The following NPAS3 variants were observed in gnomAD, a reference collection of about 807,000 sequenced individuals.
The protein encoded by NPAS3 is neuronal PAS domain protein 3.
Under a neutral mutation model 73.1 loss-of-function variants are expected in NPAS3, and 14 were observed. The ratio of observed to expected loss-of-function variants is 0.19; its 90% CI spans 0.13 to 0.30. NPAS3 has a LOEUF of 0.30. Among genes scored for constraint, NPAS3 ranks in the 10% least tolerant of loss-of-function variants. The pLI is 1.00. For synonymous variants in NPAS3, 620 were observed against 541.5 expected, an observed-to-expected ratio of 1.14 and a Z score of -2.01; for missense variants, 1,096 against 1,250.0, an observed-to-expected ratio of 0.88 and a Z score of 1.86.
At chr14:33,428,311 T>C (rs1054444078) in intron 4 of NPAS3, among the ~76,000 whole-genome samples, 57 of 152,118 alleles carry the variant, frequency 3.7e-4, no homozygotes, top group African/African-American at 1.3e-3. Flanking sequence ...ATCTATTTCA[T>C]AGTATTATTA....
chr14:33,283,532 C>T (rs144622758), intron 3 of NPAS3, among the ~76,000 whole-genome samples: 2 of 152,168 alleles, frequency 1.3e-5, no homozygotes, highest in Non-Finnish European at 2.9e-5. Context: ...ACAAGTCTCA[C>T]GGAGGCATAG....
chr14:33,684,741 A>C (rs887831114), intron 6 of NPAS3, among the ~76,000 whole-genome samples: 2 of 152,176 alleles, frequency 1.3e-5, no homozygotes, highest in African/African-American at 2.4e-5. Context: ...CACAGCCAAC[A>C]TCACCCGTGT....
intron 4 of NPAS3, among the ~76,000 whole-genome samples, chr14:33,469,084 C>T (rs77529333): frequency 0.025 from 3,731 of 152,194 alleles, 78 homozygotes; most frequent in Middle Eastern, 0.061. Flanking sequence ...TGATGTTATC[C>T]TTTAGTAATT....
intron 1 of NPAS3, among the ~76,000 whole-genome samples, chr14:32,967,586 A>C (rs2037228922): frequency 6.6e-6 from 1 of 152,226 alleles, no homozygotes; most frequent in Non-Finnish European, 1.5e-5. Flanking sequence ...ACATGAATAA[A>C]TGTTCGATGT....
At chr14:32,986,519 A>AG (rs1486302601) in intron 1 of NPAS3, among the ~76,000 whole-genome samples, 5 of 152,028 alleles carry the variant, frequency 3.3e-5, no homozygotes, top group Non-Finnish European at 7.4e-5. Flanking sequence ...GTCAGTGGGG[A>AG]GGGTGAGGTT....
At chr14:33,196,519 A>G (rs573749676) in intron 2 of NPAS3, among the ~76,000 whole-genome samples, 47 of 152,182 alleles carry the variant, frequency 3.1e-4, no homozygotes, top group Non-Finnish European at 6.6e-4. Flanking sequence ...AGGATCTGTT[A>G]GATTGATGCC....
intron 1 of NPAS3, among the ~76,000 whole-genome samples, chr14:32,997,299 T>A (rs2038617811): frequency 6.6e-6 from 1 of 152,188 alleles, no homozygotes; most frequent in Admixed American, 6.5e-5. Flanking sequence ...TTGTCTCAGA[T>A]GAGACTTTGG....
intron 1 of NPAS3, among the ~76,000 whole-genome samples, chr14:32,957,629 C>G (rs149627460): frequency 0.018 from 2,730 of 152,300 alleles, 38 homozygotes; most frequent in Admixed American, 0.031. Flanking sequence ...GCCTCGGCCT[C>G]CCAAAGTGCT....
chr14:33,409,398 AAT>A (rs1211011209), intron 4 of NPAS3, among the ~76,000 whole-genome samples: 1 of 152,152 alleles, frequency 6.6e-6, no homozygotes, highest in East Asian at 1.9e-4. Flanking sequence ...TGTTAAAATA[AAT>A]ATATGTGTTT....
At chr14:33,276,615 T>TC in intron 3 of NPAS3, among the ~76,000 whole-genome samples, 2 of 152,242 alleles carry the variant, frequency 1.3e-5, no homozygotes, top group East Asian at 3.9e-4. Context: ...TCTTTTTTTT[T>TC]CCCTGAGCTT....
chr14:33,119,803 A>G (rs1478780061), intron 2 of NPAS3, among the ~76,000 whole-genome samples: 1 of 152,152 alleles, frequency 6.6e-6, no homozygotes, highest in East Asian at 1.9e-4. Flanking sequence ...ACTGTTTCAG[A>G]GAACTATAGA....
intron 3 of NPAS3, among the ~76,000 whole-genome samples, chr14:33,345,893 A>G (rs768198344): frequency 6.6e-6 from 1 of 152,160 alleles, no homozygotes; most frequent in Non-Finnish European, 1.5e-5. Context: ...GAAATTGATC[A>G]TTATCATCAT....
At chr14:32,953,206 T>G (rs542509241) in intron 1 of NPAS3, among the ~76,000 whole-genome samples, 2 of 151,472 alleles carry the variant, frequency 1.3e-5, no homozygotes, top group Non-Finnish European at 2.9e-5. Flanking sequence ...GATTTATAGA[T>G]GGCTATAGTA....
intron 4 of NPAS3, among the ~76,000 whole-genome samples, chr14:33,461,085 A>G (rs1029121172): frequency 1.3e-5 from 2 of 152,242 alleles, no homozygotes; most frequent in African/African-American, 4.8e-5. Context: ...CTAATAATTA[A>G]GTACGTTCAA....
At chr14:33,002,236 C>A (rs147982352) in intron 1 of NPAS3, among the ~76,000 whole-genome samples, 1 of 152,186 alleles carries the variant, frequency 6.6e-6, no homozygotes, top group Non-Finnish European at 1.5e-5. Flanking sequence ...GGGACTATGT[C>A]ATATATCTCA....
intron 6 of NPAS3, among the ~76,000 whole-genome samples, chr14:33,722,908 A>G (rs1421761879): frequency 6.6e-6 from 1 of 152,188 alleles, no homozygotes; most frequent in Non-Finnish European, 1.5e-5. Context: ...GCCATAATAA[A>G]ACCAACAAAT....
chr14:33,482,031 A>G (rs1354925634), intron 4 of NPAS3, among the ~76,000 whole-genome samples: 1 of 151,848 alleles, frequency 6.6e-6, no homozygotes, highest in Middle Eastern at 3.2e-3. Flanking sequence ...AGGCAGTGGA[A>G]AATTCATGAA....
intron 2 of NPAS3, among the ~76,000 whole-genome samples, chr14:33,161,129 TAA>T (rs2044866383): frequency 6.6e-6 from 1 of 152,210 alleles, no homozygotes; most frequent in African/African-American, 2.4e-5. Context: ...ATGGGGATAT[TAA>T]GTTATTTAAA....
chr14:33,304,353 G>A (rs1414640547), intron 3 of NPAS3, among the ~76,000 whole-genome samples: 1 of 152,016 alleles, frequency 6.6e-6, no homozygotes, highest in East Asian at 1.9e-4. Flanking sequence ...TATCTAGTTT[G>A]AATCTTGTTT....
Sources: gnomAD v4.1 joint callset for allele counts (sites outside exome capture counted in the v4.1 genomes callset) on GRCh38, gnomAD v4.1.1 for gene constraint, MANE v1.5 for transcripts, NCBI Gene and HGNC (gene_info 2026-07-23, HGNC 2026-07-21) for gene names.